SSH2: variants seen among roughly 807,000 people sequenced by gnomAD.
The protein encoded by SSH2 is slingshot protein phosphatase 2.
In SSH2, 37 loss-of-function variants were observed where a neutral mutation model predicts 135.2. That is an observed-to-expected ratio of 0.27 (90% confidence interval 0.21 to 0.36). The LOEUF (loss-of-function observed/expected upper bound fraction) is 0.36. Among genes scored for constraint, SSH2 ranks in the 10% least tolerant of loss-of-function variants. SSH2 has a pLI of 1.00. For synonymous variants in SSH2, 628 were observed against 646.2 expected (o/e 0.97, Z 0.43); for missense variants, 1,408 against 1,765.3 (o/e 0.80, Z 3.63).
intron 3 of SSH2, among the ~76,000 whole-genome samples, chr17:29,738,911 A>C (rs2040466040): frequency 6.6e-6 from 1 of 152,186 alleles, no homozygotes; most frequent in Non-Finnish European, 1.5e-5. Flanking sequence ...ACTGCCTCAA[A>C]AGCATAATTG....
intron 3 of SSH2, among the ~76,000 whole-genome samples, chr17:29,706,836 G>GT (rs1961882410): frequency 6.6e-6 from 1 of 152,178 alleles, no homozygotes; most frequent in African/African-American, 2.4e-5. Context: ...GAGATAGGTA[G>GT]TTTCTCTTTG....
rs185829463 is a variant in SSH2, at chr17:29,895,744, A to G, written c.63+34194T>C. Among the ~76,000 whole-genome samples the G allele has an allele frequency of 4.9e-4, 42 of 86,218 alleles. 2 individuals are homozygous for G. The highest frequency in any genetic ancestry group is 1.5e-3 in the African/African-American group (38 of 25,952). The allele number at this position is 86,218 out of a possible 152,430, so 56.6% of individuals were successfully genotyped here. ...TATTTTATATACACATTTCATATAT[A>G]AAATGTATTTTATATACACATTTCA... is the stretch of plus-strand genomic sequence containing the variant. On this transcript the variant is annotated intron_variant, in intron 1 of 15. Transcript: ENST00000540801.
rs537140608 is a variant in SSH2, at chr17:29,633,427, G to A, written c.2263-496C>T. Among the ~76,000 whole-genome samples, 10 of 152,296 alleles carry A rather than the reference G, an allele frequency of 6.6e-5. No individual in the cohort carries two copies. The East Asian group carries it at 1.9e-3, about 29-fold the overall frequency. On this transcript the variant is annotated intron_variant, in intron 15 of 15. Transcript: ENST00000540801. ...CCCAGTGATAGAGCAAGATGGACGA[G>A]GCTATCACCTGATGTCTGATTTGGA...
At chr17:29,851,163 C>A (rs189073049) in intron 1 of SSH2, among the ~76,000 whole-genome samples, 41 of 151,772 alleles carry the variant, frequency 2.7e-4, no homozygotes, top group Non-Finnish European at 5.0e-4. Context: ...AAGCTAAAGG[C>A]TTAATAATAA....
chr17:29,752,600 T>C (rs933308632), intron 3 of SSH2, among the ~76,000 whole-genome samples: 41 of 152,208 alleles, frequency 2.7e-4, no homozygotes, highest in African/African-American at 9.6e-4. Context: ...TTGAGAATCC[T>C]GAGGATGAAT....
chr17:29,757,862 G>A (rs1174622910), intron 3 of SSH2, among the ~76,000 whole-genome samples: 1 of 151,844 alleles, frequency 6.6e-6, no homozygotes, highest in African/African-American at 2.4e-5. Context: ...CTCCAGCCTG[G>A]GTGAAAGAGT....
Position 29,806,951 on chromosome 17 carries a change from C to G in SSH2, c.145-13014G>C, listed in dbSNP as rs140075758. On this transcript the variant is annotated intron_variant, in intron 2 of 15. Transcript: ENST00000540801. ...ACCAGGCCTCTGCTACACGTGATTA[C>G]CACGCTTCCACAAGAAACTTAAACA... Among the ~76,000 whole-genome samples, 576 of 152,320 alleles carry G rather than the reference C, an allele frequency of 3.8e-3. 4 individuals are homozygous for G. The highest frequency in any genetic ancestry group is 0.013 in the African/African-American group (552 of 41,550).
At chr17:29,843,706 A>G (rs2043083243) in intron 2 of SSH2, among the ~76,000 whole-genome samples, 1 of 152,236 alleles carries the variant, frequency 6.6e-6, no homozygotes, top group African/African-American at 2.4e-5. Flanking sequence ...AACCCTGAGA[A>G]TTGAAGTCCT....
intron 3 of SSH2, among the ~76,000 whole-genome samples, chr17:29,720,866 C>T (rs964643717): frequency 6.6e-6 from 1 of 152,168 alleles, no homozygotes; most frequent in African/African-American, 2.4e-5. Flanking sequence ...AGTCACTGTC[C>T]TTAATTACCT....
At chr17:29,765,168 T>C (rs563408521) in intron 3 of SSH2, among the ~76,000 whole-genome samples, 2 of 152,292 alleles carry the variant, frequency 1.3e-5, no homozygotes, top group East Asian at 3.9e-4. Context: ...TTGGGGAATT[T>C]TGAGAAAGGA....
intron 3 of SSH2, among the ~76,000 whole-genome samples, chr17:29,749,038 A>G (rs2040847412): frequency 6.6e-6 from 1 of 152,354 alleles, no homozygotes; most frequent in East Asian, 1.9e-4. Flanking sequence ...TATTCCGTAG[A>G]TATAAAAAAG....
chr17:29,892,556 T>C (rs920481420), intron 1 of SSH2, among the ~76,000 whole-genome samples: 3 of 152,130 alleles, frequency 2.0e-5, no homozygotes, highest in Non-Finnish European at 4.4e-5. Flanking sequence ...TAGACCCAAG[T>C]TGGTCTGAAG....
At chr17:29,695,173 A>G (rs2038674606) in intron 5 of SSH2, among the ~76,000 whole-genome samples, 1 of 152,200 alleles carries the variant, frequency 6.6e-6, no homozygotes, top group African/African-American at 2.4e-5. Flanking sequence ...ATCTTTCAAC[A>G]GTCAGCTCAA....
At chr17:29,875,528 CA>C (rs749365269) in intron 1 of SSH2, among the ~76,000 whole-genome samples, 1 of 152,292 alleles carries the variant, frequency 6.6e-6, no homozygotes, top group Non-Finnish European at 1.5e-5. Context: ...TTTGAAAGCA[CA>C]AACATGGTCA....
chr17:29,875,619 A>G (rs1022054619), intron 1 of SSH2, among the ~76,000 whole-genome samples: 7 of 152,198 alleles, frequency 4.6e-5, no homozygotes, highest in African/African-American at 1.7e-4. Context: ...CAGTCTGTAA[A>G]GCCTCACATG....
At chr17:29,696,612 C>CATAT (rs35834459) in intron 4 of SSH2, among the ~76,000 whole-genome samples, 1 of 135,526 alleles carries the variant, frequency 7.4e-6, no homozygotes, top group African/African-American at 2.7e-5. Context: ...AACATATATA[C>CATAT]ATATATATAT....
intron 1 of SSH2, among the ~76,000 whole-genome samples, chr17:29,861,751 G>T (rs2065769327): frequency 6.6e-6 from 1 of 151,968 alleles, no homozygotes; most frequent in Non-Finnish European, 1.5e-5. Flanking sequence ...TAGAGATGAG[G>T]TTTCACTATG....
intron 1 of SSH2, among the ~76,000 whole-genome samples, chr17:29,878,586 G>A (rs2066078797): frequency 6.6e-6 from 1 of 152,036 alleles, no homozygotes; most frequent in African/African-American, 2.4e-5. Context: ...AACAATTGGA[G>A]AAATAGATGG....
intron 1 of SSH2, among the ~76,000 whole-genome samples, chr17:29,913,233 G>A (rs1357214991): frequency 7.1e-6 from 1 of 141,344 alleles, no homozygotes; most frequent in Non-Finnish European, 1.5e-5. Flanking sequence ...CACGACAATC[G>A]CTTGAACCTG....
Sources: allele counts gnomAD v4.1 joint callset (sites outside exome capture counted in the v4.1 genomes callset), GRCh38; gene constraint gnomAD v4.1.1; transcripts MANE v1.5; gene names NCBI Gene and HGNC (gene_info 2026-07-23, HGNC 2026-07-21).